The following DOCK8 variants were observed in gnomAD, a reference collection of about 807,000 sequenced individuals.
DOCK8 encodes dedicator of cytokinesis protein 8.
Under a neutral mutation model 245.6 loss-of-function variants are expected in DOCK8, and 141 were observed. The ratio of observed to expected loss-of-function variants is 0.57; its 90% confidence interval spans 0.50 to 0.66. DOCK8 has a LOEUF of 0.66. Among genes scored for constraint, DOCK8 ranks in the 30% least tolerant of loss-of-function variants. DOCK8 has a pLI of 0.00. For missense variants in DOCK8, 2,965 were observed against 2,603.4 expected, an observed-to-expected ratio of 1.14 and a Z score of -3.02; for synonymous variants, 1,168 against 970.2, an observed-to-expected ratio of 1.20 and a Z score of -3.79.
chr9:412,626 A>C (rs1586956221), intron 28 of DOCK8, among the ~76,000 whole-genome samples: 1 of 152,164 alleles, frequency 6.6e-6, no homozygotes, highest in South Asian at 2.1e-4. Flanking sequence ...TACGATGAGC[A>C]ATCTGAAAAT....
At chr9:455,288 G>A (rs983139933) in intron 46 of DOCK8, among the ~76,000 whole-genome samples, 2 of 152,144 alleles carry the variant, frequency 1.3e-5, no homozygotes, top group African/African-American at 2.4e-5. Context: ...GAGCCCAGGA[G>A]TTCAGGACCA....
intron 4 of DOCK8, among the ~76,000 whole-genome samples, chr9:299,263 T>C (rs185436790): frequency 1.3e-5 from 2 of 152,306 alleles, no homozygotes; most frequent in African/African-American, 4.8e-5. Flanking sequence ...AGATATGTTG[T>C]TGCCTACATT....
At chr9:422,874 A>C (rs975653176) in intron 33 of DOCK8, among the ~76,000 whole-genome samples, 1 of 151,984 alleles carries the variant, frequency 6.6e-6, no homozygotes, top group African/African-American at 2.4e-5. Context: ...AATCCCAGCT[A>C]CTCAGGAGGC....
Position 433,822 on chromosome 9 carries a change from C to G in DOCK8, c.4786-53C>G, listed in dbSNP as rs541120764. On this transcript the variant is annotated intron_variant, in intron 37 of 47. Coordinates refer to ENST00000432829, the MANE Select transcript of DOCK8 (RefSeq NM_203447.4). ...CTTGCATTTCAATGTAATCCTAACT[C>G]TTCACCTGGGACTACAAAGCTAAGA... 99 of 1,437,820 alleles carry G rather than the reference C, an allele frequency of 6.9e-5. No homozygotes were observed. In the African/African-American group the frequency reaches 1.3e-3, roughly 18 times the overall value. 89.1% of individuals were successfully genotyped at this position (1,437,820 alleles called of 1,614,324 possible). A position where few individuals can be genotyped will look rare whatever the true frequency, so the allele number is the denominator to read the frequency against.
chr9:249,720 C>T (rs1029433540), intron 1 of DOCK8, among the ~76,000 whole-genome samples: 4 of 151,912 alleles, frequency 2.6e-5, no homozygotes, highest in Admixed American at 6.6e-5. Flanking sequence ...CAGGTTCAAG[C>T]GATTCTCCTG....
intron 45 of DOCK8, among the ~76,000 whole-genome samples, chr9:451,235 C>T (rs1165510793): frequency 2.0e-5 from 3 of 151,868 alleles, no homozygotes; most frequent in African/African-American, 4.8e-5. Context: ...CCCTTGAACC[C>T]GGGAGGTGGA....
intron 36 of DOCK8, 66 bp downstream of exon 36, chr9:429,920 G>A: frequency 6.3e-7 from 1 of 1,583,130 alleles, no homozygotes; most frequent in Non-Finnish European, 8.6e-7. Flanking sequence ...AGCATCAGCT[G>A]CGAAAAAAAA....
chr9:370,727 A>G (rs1212568783), intron 16 of DOCK8, among the ~76,000 whole-genome samples: 1 of 152,144 alleles, frequency 6.6e-6, no homozygotes, highest in Non-Finnish European at 1.5e-5. Flanking sequence ...TGGAACACTC[A>G]TTATTCCACC....
intron 14 of DOCK8, among the ~76,000 whole-genome samples, chr9:361,758 GT>G (rs1213766324): frequency 6.6e-6 from 1 of 151,928 alleles, no homozygotes; most frequent in Non-Finnish European, 1.5e-5. Context: ...GTTTCAGGCC[GT>G]ATATTGAAGT....
chr9:434,974 A>T lies in DOCK8; in HGVS notation c.5078A>T (p.Gln1693Leu). 2 of 1,612,424 alleles carry T rather than the reference A, an allele frequency of 1.2e-6. No individual in the cohort carries two copies. Among genetic ancestry groups the T allele is most frequent in the Non-Finnish European group, 1.7e-6 (2 of 1,180,018 alleles). Residue 1693 changes from glutamine to leucine, a missense_variant and splice_region_variant, in exon 39 of 48, where the codon CAG (glutamine) becomes CTG (leucine). By Grantham distance (113) the Gln-to-Leu change is moderately radical. Transcript: ENST00000432829. ...SYLPVGSVSF[Q>L]NISSNVLEES... ...CTGCCCGTGGGCAGTGTCAGCTTCC[A>T]GGTAGGGTGTGTGCAGCTTTTCCCT...
intron 46 of DOCK8, among the ~76,000 whole-genome samples, chr9:460,748 G>A (rs2057779786): frequency 6.6e-6 from 1 of 152,176 alleles, no homozygotes; most frequent in Non-Finnish European, 1.5e-5. Flanking sequence ...GTTTATTTTT[G>A]CCTAGGCAGG....
chr9:244,949 C>T (rs951143972), intron 1 of DOCK8, among the ~76,000 whole-genome samples: 4 of 152,180 alleles, frequency 2.6e-5, no homozygotes, highest in African/African-American at 9.7e-5. Flanking sequence ...TGAAGAGACT[C>T]TCCAGGGGCA....
rs531722315 is a variant in DOCK8 at position 332,752 on chromosome 9, G to T, written c.1125+274G>T. On this transcript the variant is annotated intron_variant, in intron 10 of 47. Transcript: ENST00000432829. ...GGCCCCCTACAACCTTGAACTCCTG[G>T]GCTTGAATGATCCTCCCCCTTCAGC... is the stretch of plus-strand genomic sequence containing the variant. 4.7e-5 allele frequency among the ~76,000 whole-genome samples: 7 copies of T among 149,258 alleles called. No individual in the cohort carries two copies. The South Asian group carries it at 1.5e-3, about 32-fold the overall frequency.
At chr9:227,799 G>C (rs552662241) in intron 1 of DOCK8, among the ~76,000 whole-genome samples, 1 of 152,136 alleles carries the variant, frequency 6.6e-6, no homozygotes, top group Non-Finnish European at 1.5e-5. Context: ...AAGGGGAAGA[G>C]AAGAGGAATG....
Position 344,832 on chromosome 9 carries a change from G to C in DOCK8, c.1679+4511G>C, listed in dbSNP as rs936579380. Among the ~76,000 whole-genome samples the C allele has an allele frequency of 2.6e-5, 4 of 152,220 alleles. No homozygotes were observed. The East Asian group carries it at 7.7e-4, about 29-fold the overall frequency. ...GGAGGCCAAGGCAGGTGAATCACCT[G>C]AGTGAGGTCAAGAGTTCGAGACCAG... is the stretch of plus-strand genomic sequence containing the variant. On this transcript the variant is annotated intron_variant, in intron 14 of 47. Coordinates refer to ENST00000432829, the MANE Select transcript of DOCK8 (RefSeq NM_203447.4).
rs115951511 is a variant in DOCK8 at position 243,686 on chromosome 9, C to T, written c.54-27941C>T. On this transcript the variant is annotated intron_variant, in intron 1 of 47. Transcript: ENST00000432829. ...TTCTTCCCTACCTTTCCCCTGCAGCCTCAAGTGGTTCCAGATAAAGTGTTA... is the reference window on the plus strand; with the variant it reads ...TTCTTCCCTACCTTTCCCCTGCAGCTTCAAGTGGTTCCAGATAAAGTGTTA... Among the ~76,000 whole-genome samples the T allele has an allele frequency of 4.2e-3, 637 of 152,246 alleles. 5 individuals carry two copies. The highest frequency in any genetic ancestry group is 0.015 in the African/African-American group (619 of 41,558).
Position 434,062 on chromosome 9 carries a change from C to G in DOCK8, c.4886+87C>G, listed in dbSNP as rs1006413002. ...GTTCTTACTAATGTAATGATCACAGCTAACATGGATATAGTGATTTGGATG... is the reference window on the plus strand; with the variant it reads ...GTTCTTACTAATGTAATGATCACAGGTAACATGGATATAGTGATTTGGATG... On this transcript the variant is annotated intron_variant, in intron 38 of 47. Coordinates refer to ENST00000432829, the MANE Select transcript of DOCK8 (RefSeq NM_203447.4). 5.4e-6 allele frequency: 5 copies of G among 933,102 alleles called. No homozygotes were observed. In the African/African-American group the frequency reaches 6.4e-5, roughly 12 times the overall value. 57.8% of individuals were successfully genotyped at this position (933,102 alleles called of 1,614,324 possible).
chr9:420,864 A>T, intron 31 of DOCK8, 85 bp from the exon 32 acceptor site: 1 of 1,568,238 alleles, frequency 6.4e-7, no homozygotes, highest in South Asian at 1.1e-5. Context: ...AGCTGGCATC[A>T]CTGTGGAGTG....
chr9:339,611 T>C (rs1240076753), intron 13 of DOCK8, among the ~76,000 whole-genome samples: 1 of 152,144 alleles, frequency 6.6e-6, no homozygotes, highest in African/African-American at 2.4e-5. Flanking sequence ...GCCTTCCAGG[T>C]TCAAGTGATT....
Sources: gnomAD v4.1 joint callset for allele counts (sites outside exome capture counted in the v4.1 genomes callset) on GRCh38, gnomAD v4.1.1 for gene constraint, MANE v1.5 for transcripts, NCBI Gene and HGNC (gene_info 2026-07-23, HGNC 2026-07-21) for gene names.